Variants in SLAMF9 observed in about 807,000 individuals in gnomAD.
SLAMF9 encodes CD2 family member 10.
Under a neutral mutation model 30.4 loss-of-function variants are expected in SLAMF9, and 25 were observed. The observed-to-expected ratio is 0.82, with a 90% CI of 0.60 to 1.15. The LOEUF (loss-of-function observed/expected upper bound fraction) is 1.15, where lower values mean the gene tolerates loss of function less well. Among genes scored for constraint, SLAMF9 ranks in the 50% most tolerant of loss-of-function variants. The pLI is 0.00. For missense variants in SLAMF9, 344 were observed against 346.1 expected (o/e 0.99, Z 0.05); for synonymous variants, 129 against 127.2 (o/e 1.01, Z -0.09).
In SLAMF9 at chr1:159,952,519, G is replaced by C; in HGVS notation, c.407C>G (p.Pro136Arg). 2 of 1,613,694 alleles carry C rather than the reference G, an allele frequency of 1.2e-6. No individual in the cohort carries two copies. Among genetic ancestry groups the C allele is most frequent in the Non-Finnish European group, 1.7e-6 (2 of 1,179,816 alleles). The change falls in exon 3 of 4, where the codon CCC becomes CGC. Residue 136 changes from proline (P) to arginine (R), a missense_variant. Transcript: ENST00000368093. ...ACTCTCAAAGTTCACAGTGATCTGGGGCTCTGACAGCCATCCTGGATGAAG... is the reference window on the plus strand; with the variant it reads ...ACTCTCAAAGTTCACAGTGATCTGGCGCTCTGACAGCCATCCTGGATGAAG... ...NICVYRWLSE[P>R]QITVNFESSG... is the part of the protein sequence containing the mutation.
chr1:159,974,901 C>G, the SLAMF9 span, among the ~76,000 whole-genome samples: 1 of 152,196 alleles, frequency 6.6e-6, no homozygotes, highest in East Asian at 1.9e-4. Flanking sequence ...CAGCCTCTTC[C>G]TGGACCATAG....
the SLAMF9 span, chr1:159,980,624 C>A: frequency 6.6e-6 from 1 of 152,304 alleles, no homozygotes; most frequent in Non-Finnish European, 1.5e-5. Flanking sequence ...TCACCGCAAC[C>A]TCCGCCTCCC....
At chr1:159,954,545 G>A (rs760835716), upstream of SLAMF9, among the ~76,000 whole-genome samples, 25 of 152,066 alleles carry the variant, frequency 1.6e-4, no homozygotes, top group Non-Finnish European at 1.0e-4. Context: ...AGCTCTCTCT[G>A]GGTAATTCCT....
chr1:159,952,536 T>G lies in SLAMF9; in HGVS notation c.392-2A>C. ...TGATCTGGGGCTCTGACAGCCATCC[T>G]GGATGAAGGGGAAACACAAAGACCC... is the stretch of plus-strand genomic sequence containing the variant. On this transcript the variant is annotated splice_acceptor_variant, in intron 2 of 3. Coordinates refer to ENST00000368093, the MANE Select transcript of SLAMF9 (RefSeq NM_033438.4). LOFTEE classifies it high-confidence loss of function. 2.5e-6 allele frequency: 4 copies of G among 1,613,256 alleles called. No homozygotes were observed. The highest frequency in any genetic ancestry group is 3.4e-6 in the Non-Finnish European group (4 of 1,179,650).
chr1:159,957,439 C>A (rs1314338662), upstream of SLAMF9, among the ~76,000 whole-genome samples: 2 of 152,078 alleles, frequency 1.3e-5, no homozygotes, highest in African/African-American at 4.8e-5. Context: ...TCCTGGCCAA[C>A]ATGGTGAAAT....
At chr1:159,971,419 C>T in the SLAMF9 span, among the ~76,000 whole-genome samples, 1 of 152,188 alleles carries the variant, frequency 6.6e-6, no homozygotes, top group Non-Finnish European at 1.5e-5. Context: ...CTGGACTCCT[C>T]AATCCTGCCC....
chr1:159,963,827 G>A, the SLAMF9 span, among the ~76,000 whole-genome samples: 32 of 152,108 alleles, frequency 2.1e-4, no homozygotes, highest in Non-Finnish European at 5.9e-5. Context: ...TTGGGAGGCC[G>A]AGGCGGGCAG....
At chr1:159,967,531 C>T in the SLAMF9 span, among the ~76,000 whole-genome samples, 1 of 152,248 alleles carries the variant, frequency 6.6e-6, no homozygotes, top group South Asian at 2.1e-4. Context: ...AAAGTCAGGT[C>T]GTGTGATGCC....
the SLAMF9 span, among the ~76,000 whole-genome samples, chr1:159,977,474 C>T: frequency 6.6e-6 from 1 of 152,172 alleles, no homozygotes; most frequent in Non-Finnish European, 1.5e-5. Flanking sequence ...CCTCCCATGC[C>T]ATCTCCCCAG....
At chr1:159,979,499 G>A in the SLAMF9 span, among the ~76,000 whole-genome samples, 2 of 152,318 alleles carry the variant, frequency 1.3e-5, no homozygotes, top group African/African-American at 4.8e-5. Context: ...AAATGTGCAA[G>A]CTTTAGCATT....
At chr1:159,982,709 TATGCATACACACAC>T in the SLAMF9 span, among the ~76,000 whole-genome samples, 2 of 152,204 alleles carry the variant, frequency 1.3e-5, no homozygotes, top group Non-Finnish European at 2.9e-5. Flanking sequence ...TATGGGTACA[TATGCATACACACAC>T]ATGTGTGTAG....
At chr1:159,962,934 T>C in the SLAMF9 span, among the ~76,000 whole-genome samples, 2 of 152,172 alleles carry the variant, frequency 1.3e-5, no homozygotes, top group Non-Finnish European at 2.9e-5. Flanking sequence ...AGCAAAATCT[T>C]ACTAAAGGAA....
rs753988317 is a variant in SLAMF9 at position 159,951,610 on chromosome 1, T to C, written c.*51A>G. 9 of 1,563,850 alleles carry C rather than the reference T, an allele frequency of 5.8e-6. No individual in the cohort carries two copies. Among genetic ancestry groups the C allele is most frequent in the African/African-American group, 1.4e-5 (1 of 73,770 alleles). ...AAAGAAGAGAGCTGAGGAAGGATTC[T>C]CTGGGTGCTGGGAAGAAACCAAGCT... On this transcript the variant is annotated 3_prime_UTR_variant, in exon 4 of 4. Coordinates refer to ENST00000368093, the MANE Select transcript of SLAMF9 (RefSeq NM_033438.4).
chr1:159,954,090 A>G lies in SLAMF9; in HGVS notation c.46+2T>C, dbSNP rs1387163970. On this transcript the variant is annotated splice_donor_variant, in intron 1 of 3. Transcript: ENST00000368093. LOFTEE classifies it high-confidence loss of function. ...TGTGCACGAGCTGGCAGCTTCACTC[A>G]CCCTCCTGGAGCAGCAGGAGAAGAA... 6.2e-7 allele frequency: 1 copy of G among 1,613,642 alleles called. No homozygotes were observed. The highest frequency in any genetic ancestry group is 1.3e-5 in the African/African-American group (1 of 74,860).
the SLAMF9 span, among the ~76,000 whole-genome samples, chr1:159,980,993 C>T: frequency 1.3e-5 from 2 of 152,206 alleles, no homozygotes; most frequent in Non-Finnish European, 2.9e-5. Context: ...GACCAGGGCT[C>T]TTGATGTGTG....
At chr1:159,956,735 G>A (rs769449603), upstream of SLAMF9, among the ~76,000 whole-genome samples, 1 of 152,180 alleles carries the variant, frequency 6.6e-6, no homozygotes, top group Non-Finnish European at 1.5e-5. Flanking sequence ...ACAACAACAT[G>A]GATGAACCTG....
upstream of SLAMF9, among the ~76,000 whole-genome samples, chr1:159,958,908 G>A (rs1328814798): frequency 1.3e-5 from 2 of 152,154 alleles, no homozygotes; most frequent in Admixed American, 6.5e-5. Context: ...GTCCAGAAAT[G>A]AGTACTGGTC....
At chr1:159,978,737 T>G in the SLAMF9 span, 1 of 152,194 alleles carries the variant, frequency 6.6e-6, no homozygotes, top group Non-Finnish European at 1.5e-5. Flanking sequence ...AAATGGAACC[T>G]CAAGTCTATG....
the SLAMF9 span, among the ~76,000 whole-genome samples, chr1:159,979,737 T>C: frequency 1.3e-5 from 2 of 151,442 alleles, no homozygotes; most frequent in South Asian, 2.1e-4. Flanking sequence ...ACTGAAGACA[T>C]AGAGTTGCAT....
Sources: gnomAD v4.1 joint callset for allele counts (sites outside exome capture counted in the v4.1 genomes callset) on GRCh38, gnomAD v4.1.1 for gene constraint, MANE v1.5 for transcripts, NCBI Gene and HGNC (gene_info 2026-07-23, HGNC 2026-07-21) for gene names.